Variants in SPSB4 observed in about 807,000 individuals in gnomAD.
SPSB4 encodes SPRY domain-containing SOCS box protein 4.
SPSB4 carries 21 observed loss-of-function variants against 20.9 expected under a neutral mutation model. The ratio of observed to expected loss-of-function variants is 1.01; its 90% CI spans 0.71 to 1.45. The LOEUF (loss-of-function observed/expected upper bound fraction) is 1.45. Ranked by LOEUF, SPSB4 falls within the 40% of genes most tolerant of loss-of-function variation. The pLI is 0.00. For missense variants in SPSB4, 399 were observed against 399.2 expected (o/e 1.00, Z 0.00); for synonymous variants, 207 against 183.8 (o/e 1.13, Z -1.02).
intron 2 of SPSB4, among the ~76,000 whole-genome samples, chr3:141,103,382 T>C (rs946829895): frequency 2.0e-5 from 3 of 152,114 alleles, no homozygotes; most frequent in Admixed American, 1.3e-4. Context: ...GAGCTTCCCA[T>C]CCAGCTCACT....
chr3:141,128,876 C>T (rs185349652), intron 2 of SPSB4, among the ~76,000 whole-genome samples: 1 of 152,290 alleles, frequency 6.6e-6, no homozygotes, highest in Non-Finnish European at 1.5e-5. Flanking sequence ...TTCAGGGTGT[C>T]ATTCACTCTC....
intron 2 of SPSB4, among the ~76,000 whole-genome samples, chr3:141,124,985 A>T (rs1347277369): frequency 6.6e-6 from 1 of 152,222 alleles, no homozygotes; most frequent in Admixed American, 6.5e-5. Flanking sequence ...CGAGGGTCCC[A>T]GACAAGAATC....
chr3:141,134,436 G>T (rs960284316), intron 2 of SPSB4, among the ~76,000 whole-genome samples: 3 of 152,056 alleles, frequency 2.0e-5, no homozygotes, highest in African/African-American at 7.2e-5. Context: ...CCATTCAGTA[G>T]TTTAATGTTG....
chr3:141,138,032 G>C (rs1939257301), intron 2 of SPSB4, among the ~76,000 whole-genome samples: 1 of 152,192 alleles, frequency 6.6e-6, no homozygotes, highest in Non-Finnish European at 1.5e-5. Flanking sequence ...GGTCTATTCA[G>C]AGATTCAACT....
At chr3:141,147,100 G>T in intron 2 of SPSB4, 42 bp from the exon 3 acceptor site, 1 of 1,609,076 alleles carries the variant, frequency 6.2e-7, no homozygotes, top group African/African-American at 1.3e-5. Flanking sequence ...AAGGTGCCAG[G>T]ATGGCACAGG....
At chr3:141,137,633 A>T (rs1156841043) in intron 2 of SPSB4, among the ~76,000 whole-genome samples, 3 of 152,198 alleles carry the variant, frequency 2.0e-5, no homozygotes, top group Non-Finnish European at 4.4e-5. Flanking sequence ...ATGCTGGATT[A>T]TGTTTATTGA....
intron 2 of SPSB4, among the ~76,000 whole-genome samples, chr3:141,141,037 C>T (rs1277665889): frequency 6.6e-6 from 1 of 152,252 alleles, no homozygotes; most frequent in Non-Finnish European, 1.5e-5. Context: ...ATGGTGGGCA[C>T]CCCTCCCCCA....
intron 2 of SPSB4, among the ~76,000 whole-genome samples, chr3:141,119,540 G>T (rs2107800828): frequency 6.6e-6 from 1 of 152,332 alleles, no homozygotes; most frequent in South Asian, 2.1e-4. Context: ...GAATAGGAGT[G>T]ATGAGAGAGG....
At chr3:141,093,511 T>C (rs1199603491) in intron 2 of SPSB4, among the ~76,000 whole-genome samples, 2 of 152,032 alleles carry the variant, frequency 1.3e-5, no homozygotes, top group Non-Finnish European at 2.9e-5. Flanking sequence ...GTGTAATGCA[T>C]CACAGTGTTT....
chr3:141,129,531 G>A (rs550770758), intron 2 of SPSB4, among the ~76,000 whole-genome samples: 6 of 152,296 alleles, frequency 3.9e-5, no homozygotes, highest in South Asian at 4.1e-4. Context: ...TTACCATAAT[G>A]TCTGGCTGCT....
rs780455009 is a variant in SPSB4 at position 141,066,206 on chromosome 3, G to T, written c.102G>T (p.Pro34=). 1 of 1,532,860 alleles carries T rather than the reference G, an allele frequency of 6.5e-7. No individual in the cohort carries two copies. Among genetic ancestry groups the T allele is most frequent in the Middle Eastern group, 1.8e-4 (1 of 5,536 alleles). 95.0% of individuals were successfully genotyped at this position (1,532,860 alleles called of 1,614,324 possible). Residue 34 remains proline (P), a synonymous_variant, in exon 2 of 3, where the codon CCG becomes CCT. Coordinates refer to ENST00000310546, the MANE Select transcript of SPSB4 (RefSeq NM_080862.3). ...TGCGGGGTGCAGAGCCCGGGCGGCC[G>T]GCGCGGCTGGACCAGCTGTTGGACA... ...RELRGAEPGR[P]ARLDQLLDMP...
intron 2 of SPSB4, among the ~76,000 whole-genome samples, chr3:141,143,704 G>A (rs745776050): frequency 3.3e-5 from 5 of 152,238 alleles, no homozygotes; most frequent in Admixed American, 1.3e-4. Flanking sequence ...GAGCAAGGTT[G>A]TTCTGTCATG....
intron 2 of SPSB4, among the ~76,000 whole-genome samples, chr3:141,109,780 C>T (rs1350983840): frequency 3.9e-5 from 6 of 152,120 alleles, no homozygotes; most frequent in African/African-American, 1.4e-4. Context: ...CATCAAAAAG[C>T]GGCCTTCCAG....
At chr3:141,080,799 G>C (rs1472495643) in intron 2 of SPSB4, among the ~76,000 whole-genome samples, 1 of 152,236 alleles carries the variant, frequency 6.6e-6, no homozygotes, top group African/African-American at 2.4e-5. Context: ...ACAGTGGACT[G>C]TTCAGATATG....
chr3:141,101,573 TC>T (rs1559848898), intron 2 of SPSB4, among the ~76,000 whole-genome samples: 3 of 152,114 alleles, frequency 2.0e-5, no homozygotes, highest in Non-Finnish European at 2.9e-5. Context: ...GAGACAATAA[TC>T]CCCGCCTCGC....
chr3:141,093,836 GTGCCTTGCTGAACTCCAGCCTGAGCCA>G (rs1316862115), intron 2 of SPSB4, among the ~76,000 whole-genome samples: 10 of 152,160 alleles, frequency 6.6e-5, no homozygotes, highest in Admixed American at 5.9e-4. Context: ...AGCCTGAGCC[GTGCCTTGCTGAACTCCAGCCTGAGCCA>G]TGCCTTGGCC....
At chr3:141,092,225 G>T (rs1278690677) in intron 2 of SPSB4, among the ~76,000 whole-genome samples, 1 of 152,192 alleles carries the variant, frequency 6.6e-6, no homozygotes, top group Non-Finnish European at 1.5e-5. Context: ...AGATGGGAGG[G>T]TAATCCTTGC....
intron 2 of SPSB4, among the ~76,000 whole-genome samples, chr3:141,131,974 T>G (rs1454869557): frequency 2.0e-5 from 3 of 152,234 alleles, no homozygotes; most frequent in Non-Finnish European, 2.9e-5. Context: ...ATACTATCTT[T>G]TTCATTTTAG....
intron 2 of SPSB4, among the ~76,000 whole-genome samples, chr3:141,146,026 A>C (rs532384443): frequency 2.0e-5 from 3 of 151,972 alleles, no homozygotes; most frequent in African/African-American, 4.8e-5. Flanking sequence ...CATATATTAC[A>C]CTCTATTAAA....
Sources: allele counts gnomAD v4.1 joint callset (sites outside exome capture counted in the v4.1 genomes callset), GRCh38; gene constraint gnomAD v4.1.1; transcripts MANE v1.5; gene names NCBI Gene and HGNC (gene_info 2026-07-23, HGNC 2026-07-21).